The following F5 variants were observed in gnomAD, a reference collection of about 807,000 sequenced individuals.
The protein encoded by F5 is coagulation factor V, also known as activated protein c cofactor.
Under a neutral mutation model 216.4 loss-of-function variants are expected in F5, and 138 were observed. That is an observed-to-expected ratio of 0.64 (90% CI 0.56 to 0.73). F5 has a LOEUF of 0.73. Among genes scored for constraint, F5 ranks in the 30% least tolerant of loss-of-function variants. F5 has a pLI of 0.00. For missense variants in F5, 2,403 were observed against 2,674.0 expected (o/e 0.90, Z 2.24); for synonymous variants, 916 against 930.7 (o/e 0.98, Z 0.29).
At chr1:169,567,651 T>C (rs1660636946) in intron 3 of F5, among the ~76,000 whole-genome samples, 1 of 152,048 alleles carries the variant, frequency 6.6e-6, no homozygotes, top group Non-Finnish European at 1.5e-5. Flanking sequence ...CCTTACTTTC[T>C]AATCAGTCCT....
At chr1:169,559,004 T>TAAA (rs1372738851) in intron 5 of F5, 149 bp downstream of exon 5, 2 of 742,306 alleles carry the variant, frequency 2.7e-6, no homozygotes, top group East Asian at 3.6e-5. Flanking sequence ...TATTTCCTGT[T>TAAA]TAAAAAAAAA....
chr1:169,549,945 C>T lies in F5; in HGVS notation c.1467G>A (p.Glu489=), dbSNP rs752162680. ...CATCATTTTCTGTGGGTTCATCAAA[C>T]TCTAAGATGTTCCACTTATAAGTAT... ...ETYTYKWNIL[E]FDEPTENDAQ... The change falls in exon 10 of 25, where the codon GAG becomes GAA. Residue 489 remains glutamate, a synonymous_variant. Transcript: ENST00000367797. 1.9e-6 allele frequency: 3 copies of T among 1,614,178 alleles called. No individual in the cohort carries two copies. Among genetic ancestry groups the T allele is most frequent in the Non-Finnish European group, 2.5e-6 (3 of 1,180,016 alleles).
At chr1:169,572,981 T>C (rs1040235602) in intron 2 of F5, among the ~76,000 whole-genome samples, 2 of 151,826 alleles carry the variant, frequency 1.3e-5, no homozygotes, top group Non-Finnish European at 2.9e-5. Context: ...AGTCTCGCTC[T>C]GTCTCCTAGG....
chr1:169,568,125 A>C (rs1660650761), intron 3 of F5, among the ~76,000 whole-genome samples: 1 of 152,168 alleles, frequency 6.6e-6, no homozygotes, highest in Admixed American at 6.6e-5. Context: ...AGTCACACAA[A>C]TTAATGTCTG....
chr1:169,586,226 T>C lies in F5; in HGVS notation c.158+3A>G, dbSNP rs986545255. On this transcript the variant is annotated splice_donor_region_variant and intron_variant, in intron 1 of 24. Transcript: ENST00000367797. The stretch of plus-strand genomic sequence containing the variant: ...GCCCACCCGGACTCCACACCTGAGT[T>C]ACCTTGAGTTTGTGGGCTCAGGTCG... 1.2e-6 allele frequency: 2 copies of C among 1,614,094 alleles called. No homozygotes were observed. Among genetic ancestry groups the C allele is most frequent in the Non-Finnish European group, 1.7e-6 (2 of 1,180,032 alleles).
At position 169,514,313 on chromosome 1, in the gene F5, C is replaced by A. The variant is rs1490342780; in HGVS notation, c.6675G>T (p.Ter2225TyrextTer2). 6.2e-7 allele frequency: 1 copy of A among 1,613,138 alleles called. No homozygotes were observed. The highest frequency in any genetic ancestry group is 2.2e-5 in the East Asian group (1 of 44,836). ...RLELFGCDIY[*>Y] ...TCCAGGGGTTTTTGAATGTTCAATTCTAGTAAATATCACAGCCAAAGAGTT... is the reference window on the plus strand; with the variant it reads ...TCCAGGGGTTTTTGAATGTTCAATTATAGTAAATATCACAGCCAAAGAGTT... Residue 2225 changes from the stop codon to tyrosine, a stop_lost, in exon 25 of 25, where the codon TAG becomes TAT. Transcript: ENST00000367797.
rs182957604 is a variant in F5 at position 169,565,548 on chromosome 1, G to C, written c.374-4782C>G. Among the ~76,000 whole-genome samples the C allele has an allele frequency of 9.9e-5, 15 of 152,246 alleles. No homozygotes were observed. In the East Asian group the frequency reaches 2.9e-3, roughly 29 times the overall value. ...CTGTGTGTTGTTATGATTGCGTAAT[G>C]TTAAAATAGATTAAATGCCAACATT... is the stretch of plus-strand genomic sequence containing the variant. On this transcript the variant is annotated intron_variant, in intron 3 of 24. Transcript: ENST00000367797.
intron 3 of F5, among the ~76,000 whole-genome samples, chr1:169,569,948 C>T (rs925075422): frequency 6.6e-6 from 1 of 152,020 alleles, no homozygotes; most frequent in Non-Finnish European, 1.5e-5. Flanking sequence ...GAGTGTCAGA[C>T]ATGGAGGAGG....
chr1:169,541,602 T>C lies in F5; in HGVS notation c.3488A>G (p.His1163Arg). 1 of 1,614,140 alleles carries C rather than the reference T, an allele frequency of 6.2e-7. No homozygotes were observed. Among genetic ancestry groups the C allele is most frequent in the South Asian group, 1.1e-5 (1 of 91,088 alleles). The stretch of plus-strand genomic sequence containing the variant: ...ACTTATATCTGTGGGGAAGGACTTG[T>C]GACTTCGGTCATACTCAAGCATTTC... ...LSEMLEYDRSHKSFPTDISQM... is the reference protein window; with the variant it reads ...LSEMLEYDRSRKSFPTDISQM... Residue 1163 changes from histidine (H) to arginine (R), a missense_variant, in exon 13 of 25, where the codon CAC becomes CGC. Physicochemically the swap from His to Arg is conservative, Grantham distance 29. Around this residue, in one of 4 missense-constraint regions of F5, gnomAD observed 1,425 missense variants for 1,554.8 expected, o/e 0.92. Transcript: ENST00000367797.
chr1:169,531,756 C>T (rs1259910820), intron 14 of F5, among the ~76,000 whole-genome samples: 4 of 151,974 alleles, frequency 2.6e-5, no homozygotes, highest in African/African-American at 7.3e-5. Flanking sequence ...AGTCTTCACA[C>T]CCCAGCAGTC....
chr1:169,561,671 T>A (rs1162291420), intron 3 of F5, among the ~76,000 whole-genome samples: 1 of 152,134 alleles, frequency 6.6e-6, no homozygotes, highest in Non-Finnish European at 1.5e-5. Flanking sequence ...TTCCCTATCA[T>A]CAGCTGGTGA....
intron 13 of F5, among the ~76,000 whole-genome samples, chr1:169,538,866 T>G (rs919699720): frequency 6.6e-6 from 1 of 152,144 alleles, no homozygotes; most frequent in Non-Finnish European, 1.5e-5. Flanking sequence ...ACATTCTGTG[T>G]CTTGACAGTA....
Position 169,512,564 on chromosome 1 carries a change from C to T in F5, c.*1749G>A, listed in dbSNP as rs1031826175. Among the ~76,000 whole-genome samples, 5 of 152,082 alleles carry T rather than the reference C, an allele frequency of 3.3e-5. No homozygotes were observed. Among genetic ancestry groups the T allele is most frequent in the Non-Finnish European group, 5.9e-5 (4 of 67,980 alleles). ...ACCCTTTGCAACTGAACAGATCACA[C>T]ACATCCAAGAAGCTGGCCCTGTAGA... On this transcript the variant is annotated 3_prime_UTR_variant, in exon 25 of 25. Transcript: ENST00000367797.
At position 169,512,877 on chromosome 1, in the gene F5, A is replaced by T. The variant is rs9332678; in HGVS notation, c.*1436T>A. On this transcript the variant is annotated 3_prime_UTR_variant, in exon 25 of 25. Transcript: ENST00000367797. ...CCTTATGCAGTTCCCTTCTACACTG[A>T]ATCGAGACTGGCCTGTAATTTGTGT... 0.084 allele frequency among the ~76,000 whole-genome samples: 12,752 copies of T among 152,064 alleles called. 1,632 individuals carry two copies. Among genetic ancestry groups the T allele is most frequent in the East Asian group, 0.63 (3,250 of 5,148 alleles).
chr1:169,519,748 G>A (rs1659250323), intron 22 of F5, among the ~76,000 whole-genome samples: 1 of 152,182 alleles, frequency 6.6e-6, no homozygotes, highest in Admixed American at 6.5e-5. Flanking sequence ...CCCTTCAGCA[G>A]CCAAGTGGGG....
chr1:169,554,549 T>G (rs1037584120), intron 7 of F5, among the ~76,000 whole-genome samples: 3 of 152,262 alleles, frequency 2.0e-5, no homozygotes, highest in Non-Finnish European at 4.4e-5. Context: ...AACAAGTGTA[T>G]CTGTATAGTT....
chr1:169,542,574 G>A lies in F5; in HGVS notation c.2516C>T (p.Pro839Leu). 1 of 1,614,044 alleles carries A rather than the reference G, an allele frequency of 6.2e-7. No individual in the cohort carries two copies. The highest frequency in any genetic ancestry group is 8.5e-7 in the Non-Finnish European group (1 of 1,179,976). Residue 839 changes from proline to leucine, a missense_variant, in exon 13 of 25, where the codon CCT becomes CTT. Transcript: ENST00000367797. Reference sequence around the variant, plus strand: ...TATCCCTGTGACATCTGGCTGTAGAGGATCCTCTATAGGGTCTTCAGAATA... The same window carrying A: ...TATCCCTGTGACATCTGGCTGTAGAAGATCCTCTATAGGGTCTTCAGAATA... ...SPYSEDPIED[P>L]LQPDVTGIRL...
At chr1:169,534,705 G>T (rs1659667166) in intron 14 of F5, among the ~76,000 whole-genome samples, 1 of 151,602 alleles carries the variant, frequency 6.6e-6, no homozygotes, top group Non-Finnish European at 1.5e-5. Context: ...AAAATACATT[G>T]TTCTACTGAA....
intron 16 of F5, among the ~76,000 whole-genome samples, chr1:169,528,943 C>T (rs2420373): frequency 0.24 from 36,996 of 152,042 alleles, 4,718 homozygotes; most frequent in Admixed American, 0.34. Flanking sequence ...TTATATCAGG[C>T]GTGAGAACAC....
Sources: allele counts gnomAD v4.1 joint callset (sites outside exome capture counted in the v4.1 genomes callset), GRCh38; gene constraint gnomAD v4.1.1; regional missense constraint gnomAD v4.1.1; transcripts MANE v1.5; gene names NCBI Gene and HGNC (gene_info 2026-07-23, HGNC 2026-07-21).